Variants in EPB41L4A observed in about 807,000 individuals in gnomAD.
EPB41L4A encodes the protein band 4.1-like protein 4A.
Under a neutral mutation model 108.6 loss-of-function variants are expected in EPB41L4A, and 100 were observed. That is an observed-to-expected ratio of 0.92 (90% confidence interval 0.78 to 1.09). The LOEUF (loss-of-function observed/expected upper bound fraction) is 1.09, where lower values mean the gene tolerates loss of function less well. Ranked by LOEUF, EPB41L4A falls within the 50% of genes least tolerant of loss-of-function variation. The probability of loss-of-function intolerance (pLI) is 0.00; values close to 1 mark genes in which losing one functional copy is unlikely to be tolerated. For missense variants in EPB41L4A, 1,030 were observed against 842.7 expected, an observed-to-expected ratio of 1.22 and a Z score of -2.75; for synonymous variants, 319 against 289.0, an observed-to-expected ratio of 1.10 and a Z score of -1.05.
chr5:112,372,104 C>T (rs1226738797), intron 1 of EPB41L4A, among the ~76,000 whole-genome samples: 1 of 152,200 alleles, frequency 6.6e-6, no homozygotes, highest in Non-Finnish European at 1.5e-5. Flanking sequence ...TTAGTCTGTT[C>T]TCATGCTGCT....
chr5:112,224,568 C>G (rs1382255684), intron 12 of EPB41L4A, among the ~76,000 whole-genome samples: 1 of 152,184 alleles, frequency 6.6e-6, no homozygotes, highest in Non-Finnish European at 1.5e-5. Flanking sequence ...GCTGAGAATG[C>G]TGAATGACAA....
chr5:112,312,474 T>A (rs1382726787), intron 1 of EPB41L4A, among the ~76,000 whole-genome samples: 1 of 152,184 alleles, frequency 6.6e-6, no homozygotes, highest in Admixed American at 6.5e-5. Context: ...ATCTCGTGAT[T>A]CCCTCTATAG....
At chr5:112,180,949 A>T (rs1409616822) in intron 18 of EPB41L4A, among the ~76,000 whole-genome samples, 1 of 152,198 alleles carries the variant, frequency 6.6e-6, no homozygotes, top group Non-Finnish European at 1.5e-5. Context: ...GCACACAAAA[A>T]TGTGGTTATC....
chr5:112,183,923 T>G, intron 18 of EPB41L4A, 93 bp downstream of exon 18: 1 of 1,410,484 alleles, frequency 7.1e-7, no homozygotes, highest in Non-Finnish European at 9.8e-7. Flanking sequence ...GAAATAATCC[T>G]AGTTGAACTA....
intron 12 of EPB41L4A, 36 bp from the exon 13 acceptor site, chr5:112,210,018 G>C (rs1762659899): frequency 8.1e-7 from 1 of 1,239,386 alleles, no homozygotes; most frequent in Non-Finnish European, 1.2e-6. Context: ...GGAAGAGAGA[G>C]GAAACAGTGA....
At chr5:112,233,691 C>CCTTA (rs1749122480) in intron 12 of EPB41L4A, among the ~76,000 whole-genome samples, 1 of 152,006 alleles carries the variant, frequency 6.6e-6, no homozygotes, top group Admixed American at 6.6e-5. Context: ...AGGACGACAG[C>CCTTA]CTTACCATCA....
chr5:112,381,321 C>A (rs148790467), intron 1 of EPB41L4A, among the ~76,000 whole-genome samples: 1 of 152,270 alleles, frequency 6.6e-6, no homozygotes, highest in East Asian at 1.9e-4. Flanking sequence ...GCTTATAATT[C>A]ATTGACTGCC....
chr5:112,332,575 C>A (rs1283560920), intron 1 of EPB41L4A, among the ~76,000 whole-genome samples: 1 of 152,192 alleles, frequency 6.6e-6, no homozygotes, highest in Non-Finnish European at 1.5e-5. Context: ...TACTCCCCAA[C>A]CTGGACAATG....
intron 1 of EPB41L4A, among the ~76,000 whole-genome samples, chr5:112,379,460 A>C (rs1760030230): frequency 6.6e-6 from 1 of 152,226 alleles, no homozygotes; most frequent in Admixed American, 6.5e-5. Context: ...GGTAAGGAAC[A>C]CAAAGGCCAG....
At chr5:112,274,311 T>C (rs1226399526) in intron 4 of EPB41L4A, among the ~76,000 whole-genome samples, 1 of 152,018 alleles carries the variant, frequency 6.6e-6, no homozygotes, top group Admixed American at 6.6e-5. Context: ...GATTATGAAA[T>C]ATAATCTTTT....
chr5:112,412,770 C>T (rs1281210387), intron 1 of EPB41L4A, among the ~76,000 whole-genome samples: 4 of 152,186 alleles, frequency 2.6e-5, no homozygotes, highest in African/African-American at 7.2e-5. Context: ...TGAACCAAAG[C>T]AGTCAATCTC....
chr5:112,340,784 ATGTC>A (rs1236629724), intron 1 of EPB41L4A, among the ~76,000 whole-genome samples: 1 of 152,202 alleles, frequency 6.6e-6, no homozygotes, highest in Non-Finnish European at 1.5e-5. Flanking sequence ...TGTTGCTCCT[ATGTC>A]TACTCCCTGG....
chr5:112,230,454 T>C (rs1045986967), intron 12 of EPB41L4A, among the ~76,000 whole-genome samples: 3 of 152,182 alleles, frequency 2.0e-5, no homozygotes, highest in Non-Finnish European at 4.4e-5. Flanking sequence ...CTCATTGTGG[T>C]TTTGATTTGC....
intron 1 of EPB41L4A, among the ~76,000 whole-genome samples, chr5:112,315,915 A>G (rs1353585309): frequency 2.0e-5 from 3 of 152,206 alleles, no homozygotes; most frequent in African/African-American, 4.8e-5. Flanking sequence ...CTTCATCTCA[A>G]TGTAACAATA....
chr5:112,218,884 A>C (rs1255683876), intron 12 of EPB41L4A, among the ~76,000 whole-genome samples: 1 of 152,202 alleles, frequency 6.6e-6, no homozygotes, highest in Non-Finnish European at 1.5e-5. Context: ...TTTCATGAAA[A>C]GTTTAAATAG....
intron 18 of EPB41L4A, among the ~76,000 whole-genome samples, chr5:112,176,745 T>A (rs1232009415): frequency 1.4e-4 from 3 of 21,084 alleles, no homozygotes; most frequent in Admixed American, 8.4e-4. Context: ...CAGAGCAACT[T>A]TTTTTTTTTT....
At chr5:112,302,294 TCAG>T (rs1688782102) in intron 2 of EPB41L4A, among the ~76,000 whole-genome samples, 1 of 152,016 alleles carries the variant, frequency 6.6e-6, no homozygotes. Flanking sequence ...TCACTAGAGC[TCAG>T]GAGTTTGAAA....
chr5:112,183,962 A>C, intron 18 of EPB41L4A, 54 bp downstream of exon 18: 1 of 1,607,760 alleles, frequency 6.2e-7, no homozygotes, highest in East Asian at 2.2e-5. Flanking sequence ...GAATATCCAC[A>C]TGCTACTTCA....
intron 1 of EPB41L4A, among the ~76,000 whole-genome samples, chr5:112,352,285 C>T (rs758296825): frequency 2.0e-5 from 3 of 152,146 alleles, no homozygotes; most frequent in Non-Finnish European, 2.9e-5. Context: ...CTTAGCACTG[C>T]TTTTGCTGTA....
Sources: gnomAD v4.1 joint callset for allele counts (sites outside exome capture counted in the v4.1 genomes callset) on GRCh38, gnomAD v4.1.1 for gene constraint, MANE v1.5 for transcripts, NCBI Gene and HGNC (gene_info 2026-07-23, HGNC 2026-07-21) for gene names.